RIMS1: variants seen among roughly 807,000 people sequenced by gnomAD.
The protein encoded by RIMS1 is regulating synaptic membrane exocytosis 1, also known as regulating synaptic membrane exocytosis protein 1.
A neutral mutation model predicts 214.1 loss-of-function variants in RIMS1; 83 were observed. The ratio of observed to expected loss-of-function variants is 0.39; its 90% confidence interval spans 0.32 to 0.47. The LOEUF (loss-of-function observed/expected upper bound fraction) is 0.47, where lower values mean the gene tolerates loss of function less well. Among genes scored for constraint, RIMS1 ranks in the 20% least tolerant of loss-of-function variants. The pLI is 0.99. For missense variants in RIMS1, 2,050 were observed against 2,161.8 expected (o/e 0.95, Z 1.03); for synonymous variants, 793 against 786.8 (o/e 1.01, Z -0.13).
intron 29 of RIMS1, among the ~76,000 whole-genome samples, chr6:72,354,508 T>G (rs1594938219): frequency 6.6e-6 from 1 of 152,206 alleles, no homozygotes; most frequent in African/African-American, 2.4e-5. Context: ...GAGCACATCT[T>G]TAACAAAAAG....
intron 25 of RIMS1, among the ~76,000 whole-genome samples, chr6:72,291,555 A>T (rs1336343181): frequency 1.3e-5 from 2 of 152,238 alleles, no homozygotes; most frequent in Non-Finnish European, 2.9e-5. Flanking sequence ...TTTAGGCAAC[A>T]GCCTTTCTTG....
intron 5 of RIMS1, among the ~76,000 whole-genome samples, chr6:72,180,848 A>C (rs923356051): frequency 1.3e-5 from 2 of 152,194 alleles, no homozygotes; most frequent in Non-Finnish European, 2.9e-5. Context: ...AAGATCAAGG[A>C]CTTCAAAGTT....
intron 4 of RIMS1, among the ~76,000 whole-genome samples, chr6:72,141,271 A>G (rs2042046845): frequency 6.6e-6 from 1 of 152,036 alleles, no homozygotes; most frequent in Non-Finnish European, 1.5e-5. Context: ...CATCAGTGAC[A>G]TAGTGCCAGA....
chr6:71,903,928 A>G (rs1240642606), intron 1 of RIMS1, among the ~76,000 whole-genome samples: 1 of 152,188 alleles, frequency 6.6e-6, no homozygotes, highest in African/African-American at 2.4e-5. Flanking sequence ...ATGTACATAT[A>G]CACAAATTCA....
At chr6:72,030,112 C>T (rs1817669829) in intron 2 of RIMS1, among the ~76,000 whole-genome samples, 1 of 152,100 alleles carries the variant, frequency 6.6e-6, no homozygotes, top group African/African-American at 2.4e-5. Flanking sequence ...TCTTTAATTT[C>T]AAAATATGGA....
chr6:72,055,375 G>T (rs909031298), intron 2 of RIMS1, among the ~76,000 whole-genome samples: 5 of 152,168 alleles, frequency 3.3e-5, no homozygotes, highest in Non-Finnish European at 5.9e-5. Context: ...CTGATTCAAA[G>T]ATGTGAATTT....
At chr6:72,131,986 G>A (rs777715161) in intron 4 of RIMS1, among the ~76,000 whole-genome samples, 3 of 152,160 alleles carry the variant, frequency 2.0e-5, no homozygotes, top group Non-Finnish European at 2.9e-5. Context: ...GCTCACTGGC[G>A]GTCAGAGTTT....
chr6:71,958,403 A>G (rs16881974), intron 1 of RIMS1, among the ~76,000 whole-genome samples: 9,973 of 152,180 alleles, frequency 0.066, 382 homozygotes, highest in Non-Finnish European at 0.08. Context: ...TTATGCCTAT[A>G]TAAGAACGTG....
rs899403145 is a variant in RIMS1 at position 72,287,659 on chromosome 6, G to A, written c.3555-3020G>A. ...CACCCAGGCTGGAGTGTGGTCACAC[G>A]ATGTTGGCTCACTGCAGCCTCTGCC... On this transcript the variant is annotated intron_variant, in intron 24 of 33. Coordinates refer to ENST00000521978, the MANE Select transcript of RIMS1 (RefSeq NM_014989.7). 8.6e-5 allele frequency among the ~76,000 whole-genome samples: 13 copies of A among 150,850 alleles called. No homozygotes were observed. The East Asian group carries it at 1.4e-3, about 16-fold the overall frequency.
At chr6:72,009,232 C>A (rs1258906108) in intron 2 of RIMS1, among the ~76,000 whole-genome samples, 1 of 152,078 alleles carries the variant, frequency 6.6e-6, no homozygotes, top group Non-Finnish European at 1.5e-5. Context: ...CTACTGGATA[C>A]ATAACGAAAT....
chr6:72,015,364 TG>T (rs1363649423), intron 2 of RIMS1, among the ~76,000 whole-genome samples: 1 of 152,196 alleles, frequency 6.6e-6, no homozygotes, highest in Non-Finnish European at 1.5e-5. Flanking sequence ...ACTGATTTTT[TG>T]TATATTGATC....
At chr6:72,001,973 A>C (rs945215579) in intron 2 of RIMS1, among the ~76,000 whole-genome samples, 1 of 152,176 alleles carries the variant, frequency 6.6e-6, no homozygotes, top group Non-Finnish European at 1.5e-5. Flanking sequence ...ATATCTCTAT[A>C]ATGTAAGCTG....
At chr6:72,392,989 G>GA (rs1554643824) in intron 31 of RIMS1, among the ~76,000 whole-genome samples, 179 bp downstream of exon 31, 1 of 149,156 alleles carries the variant, frequency 6.7e-6, no homozygotes, top group Non-Finnish European at 1.5e-5. Context: ...GAGATGTTAT[G>GA]AAAAAAGAAG....
intron 28 of RIMS1, among the ~76,000 whole-genome samples, chr6:72,315,690 T>TACACAC (rs367774407): frequency 6.7e-6 from 1 of 149,868 alleles, no homozygotes; most frequent in South Asian, 2.1e-4. Context: ...CATGCAGCAG[T>TACACAC]ACACACACAC....
At chr6:72,066,965 C>T (rs1332276155) in intron 2 of RIMS1, among the ~76,000 whole-genome samples, 1 of 152,088 alleles carries the variant, frequency 6.6e-6, no homozygotes, top group East Asian at 1.9e-4. Context: ...AAAATAAGAC[C>T]TGAATCTGGC....
At chr6:72,359,014 C>A (rs2097735918) in intron 29 of RIMS1, among the ~76,000 whole-genome samples, 1 of 152,192 alleles carries the variant, frequency 6.6e-6, no homozygotes, top group Admixed American at 6.5e-5. Context: ...TTATTGTGTT[C>A]TCTAGGCTTC....
At chr6:72,098,724 AAATT>A (rs1380381829) in intron 3 of RIMS1, among the ~76,000 whole-genome samples, 3 of 152,180 alleles carry the variant, frequency 2.0e-5, no homozygotes, top group Non-Finnish European at 4.4e-5. Flanking sequence ...GGTGTTATGA[AAATT>A]AAATAAAAAT....
chr6:72,162,691 T>C lies in RIMS1; in HGVS notation c.472-16884T>C, dbSNP rs1203378937. On this transcript the variant is annotated intron_variant, in intron 4 of 33. Transcript: ENST00000521978. ...TGAAATTCTGGGTTGAAAATTCTTT[T>C]CTTTAAGAATGTTGAATATTGGCCC... Among the ~76,000 whole-genome samples, 3 of 140,518 alleles carry C rather than the reference T, an allele frequency of 2.1e-5. 1 individual carries two copies. Among genetic ancestry groups the C allele is most frequent in the African/African-American group, 2.5e-5 (1 of 40,636 alleles). 92.2% of individuals were successfully genotyped at this position (140,518 alleles called of 152,430 possible). A position where few individuals can be genotyped will look rare whatever the true frequency, so the allele number is the denominator to read the frequency against.
At chr6:72,198,411 A>G (rs187927223) in intron 6 of RIMS1, among the ~76,000 whole-genome samples, 2 of 152,142 alleles carry the variant, frequency 1.3e-5, no homozygotes, top group Admixed American at 1.3e-4. Flanking sequence ...GAAAGCAAAC[A>G]TCATATACTC....
Sources: gnomAD v4.1 joint callset for allele counts (sites outside exome capture counted in the v4.1 genomes callset) on GRCh38, gnomAD v4.1.1 for gene constraint, MANE v1.5 for transcripts, NCBI Gene and HGNC (gene_info 2026-07-23, HGNC 2026-07-21) for gene names.